The following SGCZ variants were observed in gnomAD, a reference collection of about 807,000 sequenced individuals.
SGCZ encodes the protein sarcoglycan zeta.
In SGCZ, 40 loss-of-function variants were observed where a neutral mutation model predicts 41.3. The ratio of observed to expected loss-of-function variants is 0.97; its 90% confidence interval spans 0.75 to 1.26. The LOEUF (loss-of-function observed/expected upper bound fraction) is 1.26, where lower values mean the gene tolerates loss of function less well. Among genes scored for constraint, SGCZ ranks in the 50% most tolerant of loss-of-function variants. SGCZ has a pLI of 0.00. For missense variants in SGCZ, 552 were observed against 369.8 expected, an observed-to-expected ratio of 1.49 and a Z score of -4.04; for synonymous variants, 206 against 137.5, an observed-to-expected ratio of 1.50 and a Z score of -3.49.
intron 4 of SGCZ, among the ~76,000 whole-genome samples, chr8:14,168,383 A>G (rs2116993281): frequency 6.6e-6 from 1 of 152,264 alleles, no homozygotes; most frequent in Non-Finnish European, 1.5e-5. Flanking sequence ...CAAATTTCAT[A>G]TTGAATTGTA....
intron 1 of SGCZ, among the ~76,000 whole-genome samples, chr8:14,792,790 T>C (rs990712539): frequency 5.9e-5 from 9 of 152,056 alleles, no homozygotes; most frequent in African/African-American, 1.7e-4. Context: ...CACTTTTCCA[T>C]ACCCTTCTGT....
chr8:14,675,095 C>A (rs371523911), intron 1 of SGCZ, among the ~76,000 whole-genome samples: 1 of 151,388 alleles, frequency 6.6e-6, no homozygotes. Context: ...CCCGCCACCA[C>A]GCCTGGCTAA....
intron 1 of SGCZ, among the ~76,000 whole-genome samples, chr8:14,791,913 C>T (rs996776898): frequency 8.5e-5 from 13 of 152,170 alleles, no homozygotes; most frequent in African/African-American, 2.2e-4. Flanking sequence ...TCTAGCCGCA[C>T]TTTCTCAATG....
At chr8:14,910,080 A>C (rs898394794) in intron 1 of SGCZ, among the ~76,000 whole-genome samples, 1 of 152,072 alleles carries the variant, frequency 6.6e-6, no homozygotes, top group African/African-American at 2.4e-5. Context: ...ATAAAACTGT[A>C]AGTTTATCAT....
intron 4 of SGCZ, among the ~76,000 whole-genome samples, chr8:14,218,974 A>G (rs920984578): frequency 2.6e-5 from 4 of 152,220 alleles, no homozygotes; most frequent in Admixed American, 2.0e-4. Flanking sequence ...CTCAACGTTG[A>G]CCGTTCTATG....
chr8:14,131,324 T>G (rs979776585), intron 5 of SGCZ, among the ~76,000 whole-genome samples: 2 of 152,198 alleles, frequency 1.3e-5, no homozygotes, highest in African/African-American at 2.4e-5. Flanking sequence ...AAGGGACTTC[T>G]TGTAGACAGG....
chr8:14,797,008 T>C (rs960990226), intron 1 of SGCZ, among the ~76,000 whole-genome samples: 1 of 152,132 alleles, frequency 6.6e-6, no homozygotes, highest in Admixed American at 6.5e-5. Context: ...CAATTAAACC[T>C]CTTTTATTTA....
chr8:14,840,402 A>G (rs1802861044), intron 1 of SGCZ, among the ~76,000 whole-genome samples: 1 of 152,168 alleles, frequency 6.6e-6, no homozygotes, highest in East Asian at 1.9e-4. Flanking sequence ...TTGAATATGA[A>G]TTAATCACGT....
intron 1 of SGCZ, among the ~76,000 whole-genome samples, chr8:14,621,123 C>T (rs1166839431): frequency 2.6e-5 from 4 of 151,590 alleles, no homozygotes; most frequent in Admixed American, 1.3e-4. Flanking sequence ...AAATGATGAG[C>T]TCATGTCCTT....
At chr8:14,369,267 C>T (rs1215678776) in intron 2 of SGCZ, among the ~76,000 whole-genome samples, 1 of 151,896 alleles carries the variant, frequency 6.6e-6, no homozygotes, top group Non-Finnish European at 1.5e-5. Flanking sequence ...ATTTAATTGC[C>T]ATGTCTCTCC....
chr8:14,785,835 C>T (rs1369485390), intron 1 of SGCZ, among the ~76,000 whole-genome samples: 3 of 151,876 alleles, frequency 2.0e-5, no homozygotes, highest in African/African-American at 7.2e-5. Context: ...TTCATTTTTA[C>T]TTTCACAGAG....
At chr8:14,429,583 C>T (rs898830) in intron 2 of SGCZ, among the ~76,000 whole-genome samples, 2 of 152,084 alleles carry the variant, frequency 1.3e-5, no homozygotes, top group African/African-American at 4.8e-5. Context: ...CTGAATATGA[C>T]CTTATTTGTA....
intron 1 of SGCZ, among the ~76,000 whole-genome samples, chr8:14,575,075 C>A (rs896122306): frequency 6.6e-6 from 1 of 152,100 alleles, no homozygotes; most frequent in Non-Finnish European, 1.5e-5. Flanking sequence ...ACTTTTCTAA[C>A]TTTGAATTAG....
Position 15,027,157 on chromosome 8 carries a change from C to T in SGCZ, c.39+210428G>A, listed in dbSNP as rs569556398. ...AGGCCTGGAAGATGTTGCCTCTCAA[C>T]AAGCATCTTTGGTAAAATGAGTTTT... On this transcript the variant is annotated intron_variant, in intron 1 of 7. Coordinates refer to ENST00000382080, the MANE Select transcript of SGCZ (RefSeq NM_139167.4). Among the ~76,000 whole-genome samples, 27 of 152,258 alleles carry T rather than the reference C, an allele frequency of 1.8e-4. 1 individual carries two copies. The highest frequency in any genetic ancestry group is 1.6e-3 in the Admixed American group (25 of 15,284).
Position 15,004,150 on chromosome 8 carries a change from G to C in SGCZ, c.39+233435C>G, listed in dbSNP as rs373947903. Among the ~76,000 whole-genome samples the C allele has an allele frequency of 9.2e-5, 14 of 152,208 alleles. No homozygotes were observed. In the East Asian group the frequency reaches 2.7e-3, roughly 29 times the overall value. On this transcript the variant is annotated intron_variant, in intron 1 of 7. Coordinates refer to ENST00000382080, the MANE Select transcript of SGCZ (RefSeq NM_139167.4). Reference sequence around the variant, plus strand: ...AGTAATCGCTCACTCTGCAGTTAACGTGCCAGAATGGAGCTAGATACATGC... The same window carrying C: ...AGTAATCGCTCACTCTGCAGTTAACCTGCCAGAATGGAGCTAGATACATGC...
rs1801613974 is a variant in SGCZ at position 14,089,200 on chromosome 8, G to C, written c.*1243C>G. 6.6e-6 allele frequency among the ~76,000 whole-genome samples: 1 copy of C among 151,894 alleles called. No individual in the cohort carries two copies. On this transcript the variant is annotated 3_prime_UTR_variant, in exon 8 of 8. Transcript: ENST00000382080. ...AACTATAATTTTTGAGGTCAGGGTA[G>C]CCTAACAACGATCTAATAAAAGTAA...
At chr8:14,514,318 T>A (rs2117082990) in intron 2 of SGCZ, among the ~76,000 whole-genome samples, 1 of 152,204 alleles carries the variant, frequency 6.6e-6, no homozygotes, top group East Asian at 1.9e-4. Context: ...ATAAATAGGC[T>A]TATTTTTGAA....
chr8:14,264,966 A>G (rs1393944662), intron 3 of SGCZ, among the ~76,000 whole-genome samples: 1 of 152,082 alleles, frequency 6.6e-6, no homozygotes, highest in Non-Finnish European at 1.5e-5. Flanking sequence ...CTGTCTCAAA[A>G]ACAAACAAAC....
At chr8:15,086,914 G>T (rs1805968969) in intron 1 of SGCZ, among the ~76,000 whole-genome samples, 1 of 152,050 alleles carries the variant, frequency 6.6e-6, no homozygotes. Flanking sequence ...CACATATAAA[G>T]AAGGCATCCT....
Sources: allele counts gnomAD v4.1 joint callset (sites outside exome capture counted in the v4.1 genomes callset), GRCh38; gene constraint gnomAD v4.1.1; transcripts MANE v1.5; gene names NCBI Gene and HGNC (gene_info 2026-07-23, HGNC 2026-07-21).